Variants in ATG4C observed in about 807,000 individuals in gnomAD.
ATG4C encodes autophagy related 4C cysteine peptidase, also known as cysteine protease ATG4C.
Under a neutral mutation model 57.6 loss-of-function variants are expected in ATG4C, and 56 were observed. The ratio of observed to expected loss-of-function variants is 0.97; its 90% CI spans 0.78 to 1.21. ATG4C has a LOEUF of 1.21. Ranked by LOEUF, ATG4C falls within the 50% of genes most tolerant of loss-of-function variation. The pLI is 0.00. For missense variants in ATG4C, 595 were observed against 529.8 expected (o/e 1.12, Z -1.21); for synonymous variants, 157 against 174.1 (o/e 0.90, Z 0.78).
At position 62,864,660 on chromosome 1, in the gene ATG4C, G is replaced by A. The variant is rs1666953851; in HGVS notation, c.*501G>A. On this transcript the variant is annotated 3_prime_UTR_variant, in exon 11 of 11. Coordinates refer to ENST00000317868, the MANE Select transcript of ATG4C (RefSeq NM_032852.4). ...TAATTAAATAGTATTTGTTAACTGT[G>A]ATATGCATACACTTATATAAGCAGA... The A allele has an allele frequency of 6.5e-6, 1 of 153,542 alleles. No homozygotes were observed. Among genetic ancestry groups the A allele is most frequent in the African/African-American group, 2.4e-5 (1 of 41,422 alleles). The allele number at this position is 153,542 out of a possible 1,614,324, so 9.5% of individuals were successfully genotyped here.
At chr1:62,807,031 C>T (rs1221036574) in intron 3 of ATG4C, among the ~76,000 whole-genome samples, 1 of 152,082 alleles carries the variant, frequency 6.6e-6, no homozygotes, top group East Asian at 1.9e-4. Flanking sequence ...TATTTTTGAG[C>T]AATGAAATGA....
At chr1:62,851,250 T>C (rs1175102653) in intron 10 of ATG4C, among the ~76,000 whole-genome samples, 1 of 152,120 alleles carries the variant, frequency 6.6e-6, no homozygotes, top group Non-Finnish European at 1.5e-5. Context: ...ACTCAAAATA[T>C]GTTTTGTTCA....
At chr1:62,862,015 A>G (rs1300556018) in intron 10 of ATG4C, among the ~76,000 whole-genome samples, 2 of 152,150 alleles carry the variant, frequency 1.3e-5, no homozygotes, top group Non-Finnish European at 2.9e-5. Context: ...TGCTATTATA[A>G]ACATCCATGT....
chr1:62,832,857 CTATT>C (rs973340555), intron 7 of ATG4C, among the ~76,000 whole-genome samples: 4 of 152,084 alleles, frequency 2.6e-5, no homozygotes, highest in African/African-American at 9.7e-5. Flanking sequence ...ATATAGATCT[CTATT>C]TATTGATAGG....
chr1:62,862,887 TTA>T (rs1358621863), intron 10 of ATG4C, among the ~76,000 whole-genome samples: 1 of 152,084 alleles, frequency 6.6e-6, no homozygotes, highest in Non-Finnish European at 1.5e-5. Flanking sequence ...GCCTCTGAAA[TTA>T]TCTTTTAAAA....
At chr1:62,824,842 A>T (rs1347115934) in intron 6 of ATG4C, among the ~76,000 whole-genome samples, 1 of 151,840 alleles carries the variant, frequency 6.6e-6, no homozygotes, top group East Asian at 1.9e-4. Flanking sequence ...TAATTTTGAA[A>T]TTTTTTATAG....
chr1:62,794,389 C>G (rs986628496), intron 1 of ATG4C, among the ~76,000 whole-genome samples: 1 of 152,136 alleles, frequency 6.6e-6, no homozygotes, highest in Non-Finnish European at 1.5e-5. Context: ...TTTAAGTCAT[C>G]ATTATAAAGT....
chr1:62,792,574 A>G (rs942426197), intron 1 of ATG4C, among the ~76,000 whole-genome samples: 1 of 152,252 alleles, frequency 6.6e-6, no homozygotes, highest in Non-Finnish European at 1.5e-5. Context: ...AGTTGTTTAA[A>G]ATTAGCAGGT....
chr1:62,815,263 G>T (rs774395781), intron 3 of ATG4C, among the ~76,000 whole-genome samples: 51 of 149,174 alleles, frequency 3.4e-4, no homozygotes, highest in Middle Eastern at 3.4e-3. Flanking sequence ...CTCTTTTGTT[G>T]TCTTATTAGC....
chr1:62,837,393 A>G (rs917211423), intron 9 of ATG4C, among the ~76,000 whole-genome samples: 2 of 152,236 alleles, frequency 1.3e-5, no homozygotes, highest in African/African-American at 4.8e-5. Flanking sequence ...ATTATAATGT[A>G]GAAACTCACA....
chr1:62,820,240 C>T (rs917076893), intron 5 of ATG4C, among the ~76,000 whole-genome samples: 5 of 151,916 alleles, frequency 3.3e-5, no homozygotes, highest in East Asian at 1.9e-4. Flanking sequence ...TTCTCTACTC[C>T]GGGGGACAGC....
intron 10 of ATG4C, among the ~76,000 whole-genome samples, chr1:62,850,286 A>G (rs544249756): frequency 2.0e-5 from 3 of 152,148 alleles, no homozygotes; most frequent in African/African-American, 7.2e-5. Context: ...CACTCTCATT[A>G]TTACCCTGGC....
In ATG4C at chr1:62,834,116, G is replaced by A. The variant is rs183634447; in HGVS notation, c.1012G>A (p.Asp338Asn). The A allele has an allele frequency of 6.2e-7, 1 of 1,610,570 alleles. No homozygotes were observed. The highest frequency in any genetic ancestry group is 8.5e-7 in the Non-Finnish European group (1 of 1,177,806). Residue 338 changes from aspartate to asparagine, a missense_variant and splice_region_variant, in exon 8 of 11, where the codon GAT becomes AAT. Physicochemically the swap from Asp to Asn is conservative, Grantham distance 23. Coordinates refer to ENST00000317868, the MANE Select transcript of ATG4C (RefSeq NM_032852.4). The stretch of plus-strand genomic sequence containing the variant: ...GTCATATTACTTTGCTGGATTTCAA[G>A]GTTAGTGATTTAGTAAAATATATTT... ...KQSYYFAGFQDDSLIYMDPHY... is the reference protein window; with the variant it reads ...KQSYYFAGFQNDSLIYMDPHY...
intron 10 of ATG4C, among the ~76,000 whole-genome samples, chr1:62,863,282 A>G (rs1666909225): frequency 6.6e-6 from 1 of 152,022 alleles, no homozygotes; most frequent in South Asian, 2.1e-4. Flanking sequence ...GTCATTTTTC[A>G]TGTTGACTAG....
chr1:62,831,259 A>G (rs1179441390), intron 7 of ATG4C, among the ~76,000 whole-genome samples: 1 of 152,168 alleles, frequency 6.6e-6, no homozygotes, highest in East Asian at 1.9e-4. Context: ...TCAAACCCCA[A>G]TGAGAGCATG....
chr1:62,850,858 A>ATGTG (rs1242790645), intron 10 of ATG4C, among the ~76,000 whole-genome samples: 10 of 47,950 alleles, frequency 2.1e-4, no homozygotes, highest in South Asian at 1.8e-3. Flanking sequence ...ATGTATGTAT[A>ATGTG]TATATATATA....
At chr1:62,833,954 A>C in intron 7 of ATG4C, 84 bp from the exon 8 acceptor site, 1 of 1,152,238 alleles carries the variant, frequency 8.7e-7, no homozygotes, top group Non-Finnish European at 1.3e-6. Flanking sequence ...TTTGGGAGCT[A>C]CTAATATTAG....
chr1:62,814,271 A>G (rs1282958701), intron 3 of ATG4C, among the ~76,000 whole-genome samples: 1 of 152,248 alleles, frequency 6.6e-6, no homozygotes, highest in African/African-American at 2.4e-5. Flanking sequence ...AGCCATAACA[A>G]ATGATAAGTT....
At chr1:62,818,551 T>C (rs560835776) in intron 4 of ATG4C, among the ~76,000 whole-genome samples, 1 of 152,282 alleles carries the variant, frequency 6.6e-6, no homozygotes, top group South Asian at 2.1e-4. Context: ...GTAATTTTTT[T>C]CTTGATTATA....
Sources: gnomAD v4.1 joint callset for allele counts (sites outside exome capture counted in the v4.1 genomes callset) on GRCh38, gnomAD v4.1.1 for gene constraint, MANE v1.5 for transcripts, NCBI Gene and HGNC (gene_info 2026-07-23, HGNC 2026-07-21) for gene names.